FGF13: variants seen among roughly 807,000 people sequenced by gnomAD.
FGF13 encodes fibroblast growth factor 13, also known as fibroblast growth factor homologous factor 2.
A neutral mutation model predicts 19.5 loss-of-function variants in FGF13; 2 were observed. The observed-to-expected ratio is 0.10, with a 90% CI of 0.04 to 0.32. The LOEUF (loss-of-function observed/expected upper bound fraction) is 0.32. Among genes scored for constraint, FGF13 ranks in the 10% least tolerant of loss-of-function variants. FGF13 has a pLI of 1.00. For missense variants in FGF13, 113 were observed against 192.7 expected, an observed-to-expected ratio of 0.59 and a Z score of 2.45; for synonymous variants, 72 against 76.9, an observed-to-expected ratio of 0.94 and a Z score of 0.33.
chrX:138,623,377 G>C lies in FGF13; in HGVS notation c.*9473C>G, dbSNP rs1293569211. 1.8e-5 allele frequency: 2 copies of C among 110,925 alleles called. No individual in the cohort carries two copies. The highest frequency in any genetic ancestry group is 6.6e-5 in the African/African-American group (2 of 30,480). The allele number at this position is 110,925 out of a possible 1,213,427, so 9.1% of individuals were successfully genotyped here. On this transcript the variant is annotated 3_prime_UTR_variant, in exon 5 of 5. Transcript: ENST00000315930. Reference sequence around the variant, plus strand: ...TTTTGGAAGATTTTGAGAAGGATTGGTATTAGTTTTTCCTCAAATGTTGGG... The same window carrying C: ...TTTTGGAAGATTTTGAGAAGGATTGCTATTAGTTTTTCCTCAAATGTTGGG...
chrX:139,096,279 C>A (rs1849652764), intron 1 of FGF13, among the ~76,000 whole-genome samples: 1 of 111,914 alleles, frequency 8.9e-6, no homozygotes, highest in Non-Finnish European at 1.9e-5. Context: ...AATGAGTTAT[C>A]TATTCTGTCT....
intron 1 of FGF13, among the ~76,000 whole-genome samples, chrX:139,196,552 G>A (rs2084374416): frequency 8.9e-6 from 1 of 112,178 alleles, no homozygotes; most frequent in African/African-American, 3.2e-5. Flanking sequence ...TTTAGTATAG[G>A]CACACTCCTC....
intron 1 of FGF13, among the ~76,000 whole-genome samples, chrX:138,984,725 A>AAGGAGAAGGAGGAGGAGG (rs2091986571): frequency 2.1e-5 from 2 of 97,410 alleles, no homozygotes; most frequent in Non-Finnish European, 2.1e-5. Flanking sequence ...GGAGGAGAAC[A>AAGGAGAAGGAGGAGGAGG]AGAAGAAGAG....
chrX:138,760,008 T>C (rs778322931), intron 3 of FGF13, among the ~76,000 whole-genome samples: 202 of 111,493 alleles, frequency 1.8e-3, no homozygotes, highest in African/African-American at 6.3e-3. Flanking sequence ...ATGCTATGCA[T>C]GCCTTGTTGG....
intron 3 of FGF13, among the ~76,000 whole-genome samples, chrX:138,700,123 T>C (rs1328585744): frequency 9.0e-6 from 1 of 110,629 alleles, no homozygotes; most frequent in African/African-American, 3.3e-5. Flanking sequence ...CCAAATCCAA[T>C]CAGCCACCAA....
chrX:139,065,495 AG>A (rs201484624), intron 1 of FGF13, among the ~76,000 whole-genome samples: 5,884 of 92,399 alleles, frequency 0.064, 538 homozygotes, highest in African/African-American at 0.24. Context: ...AAAAAAAAAA[AG>A]AAAAAGAAAA....
chrX:138,948,229 T>C (rs1340002206), intron 1 of FGF13, among the ~76,000 whole-genome samples: 1 of 111,574 alleles, frequency 9.0e-6, no homozygotes, highest in African/African-American at 3.3e-5. Context: ...CAGTATGCTT[T>C]GATAAAAAGG....
chrX:138,997,559 G>A (rs187172330), intron 1 of FGF13, among the ~76,000 whole-genome samples: 62 of 111,433 alleles, frequency 5.6e-4, no homozygotes, highest in African/African-American at 1.9e-3. Context: ...TGGTCGAATC[G>A]ATCAAGTGGA....
intron 1 of FGF13, among the ~76,000 whole-genome samples, chrX:138,948,876 A>T (rs2091795470): frequency 8.9e-6 from 1 of 112,088 alleles, no homozygotes; most frequent in African/African-American, 3.2e-5. Flanking sequence ...TGAACTGGAA[A>T]AAAACAGAAC....
rs749161933 is a variant in FGF13 at position 138,738,071 on chromosome X, C to A, written c.28+1171G>T. Among the ~76,000 whole-genome samples the A allele has an allele frequency of 4.0e-4, 45 of 112,172 alleles. No individual in the cohort carries two copies. The South Asian group carries it at 0.015, about 38-fold the overall frequency. On this transcript the variant is annotated intron_variant, in intron 1 of 4. Coordinates refer to the FGF13 transcript ENST00000305414. ...GATAAACAATGCTCATGCAACATGA[C>A]AGATCAATCCAAATCTCCATTTGGG... is the stretch of plus-strand genomic sequence containing the variant.
At chrX:138,976,546 AGG>A (rs1210307858) in intron 1 of FGF13, among the ~76,000 whole-genome samples, 1 of 111,368 alleles carries the variant, frequency 9.0e-6, no homozygotes, top group Admixed American at 9.5e-5. Flanking sequence ...AAGACTCAGA[AGG>A]GGGATGGTAA....
At chrX:138,648,740 C>T (rs2089334014) in intron 3 of FGF13, among the ~76,000 whole-genome samples, 1 of 111,875 alleles carries the variant, frequency 8.9e-6, no homozygotes, top group African/African-American at 3.3e-5. Flanking sequence ...AAGGCTGCCA[C>T]TATGCACGCA....
intron 1 of FGF13, among the ~76,000 whole-genome samples, chrX:138,900,581 G>A (rs1170098182): frequency 9.0e-6 from 1 of 111,232 alleles, no homozygotes; most frequent in Non-Finnish European, 1.9e-5. Context: ...GATTCTAATA[G>A]CTTCCCAATA....
chrX:138,669,203 T>C (rs1602677999), intron 3 of FGF13, among the ~76,000 whole-genome samples: 1 of 110,524 alleles, frequency 9.0e-6, no homozygotes, highest in African/African-American at 3.3e-5. Context: ...GGATAATTGA[T>C]GTATCTAGGT....
chrX:138,849,425 G>A (rs1303198522), intron 3 of FGF13, among the ~76,000 whole-genome samples: 1 of 112,081 alleles, frequency 8.9e-6, no homozygotes, highest in East Asian at 2.8e-4. Context: ...AAGAATCTGT[G>A]AAAAAGATTA....
chrX:138,964,331 A>C (rs941417295), intron 1 of FGF13, among the ~76,000 whole-genome samples: 46 of 111,629 alleles, frequency 4.1e-4, no homozygotes, highest in African/African-American at 1.5e-3. Context: ...CTGACCCCCC[A>C]CTATTTTTCT....
At chrX:139,033,055 A>AAAAAAAG in intron 1 of FGF13, among the ~76,000 whole-genome samples, 1 of 100,307 alleles carries the variant, frequency 1.0e-5, no homozygotes. Context: ...AAAAAAAAAA[A>AAAAAAAG]CTACAGCTCA....
rs1415585969 is a variant in FGF13, at chrX:139,082,520, G to A, written c.-113+120896C>T. 2.7e-5 allele frequency among the ~76,000 whole-genome samples: 3 copies of A among 111,652 alleles called. No homozygotes were observed. The Admixed American group carries it at 2.9e-4, about 11-fold the overall frequency. On this transcript the variant is annotated intron_variant, in intron 1 of 2. Transcript: ENST00000421460. ...CCAATGACTGGAGTCCTTGTAAGAC[G>A]AGAGGAGGACGTACAGGCACACACA...
At chrX:138,958,771 T>C (rs1355697173) in intron 1 of FGF13, among the ~76,000 whole-genome samples, 4 of 111,772 alleles carry the variant, frequency 3.6e-5, no homozygotes, top group Non-Finnish European at 5.6e-5. Context: ...TGTCCAGGAA[T>C]TTATCCATTT....
Sources: allele counts gnomAD v4.1 joint callset (sites outside exome capture counted in the v4.1 genomes callset), GRCh38; gene constraint gnomAD v4.1.1; transcripts MANE v1.5; gene names NCBI Gene and HGNC (gene_info 2026-07-23, HGNC 2026-07-21).